Variants in AKR1C8 observed in about 807,000 individuals in gnomAD.
AKR1C8 encodes the protein aldo-keto reductase family 1 member C-like protein 1.
the AKR1C8 span, chr10:5,132,664 C>A: frequency 6.3e-7 from 1 of 1,591,090 alleles, no homozygotes; most frequent in Non-Finnish European, 8.6e-7. Context: ...CTTCAGATGG[C>A]CAGTCCAACC....
chr10:5,117,692 T>A, the AKR1C8 span, among the ~76,000 whole-genome samples: 1 of 152,102 alleles, frequency 6.6e-6, no homozygotes, highest in South Asian at 2.1e-4. Context: ...TGGTGAGGTC[T>A]TCAGGCTGCT....
At chr10:5,159,801 G>C in the AKR1C8 span, 1 of 466,554 alleles carries the variant, frequency 2.1e-6, no homozygotes, top group Non-Finnish European at 4.4e-6. Context: ...AAGACATCAA[G>C]CAGAAACTTG....
the AKR1C8 span, among the ~76,000 whole-genome samples, chr10:5,142,655 C>G: frequency 1.3e-5 from 2 of 152,180 alleles, no homozygotes; most frequent in African/African-American, 2.4e-5. Flanking sequence ...GTCACTGAAG[C>G]GGTCAGAAGA....
chr10:5,154,774 A>G, the AKR1C8 span: 1 of 152,250 alleles, frequency 6.6e-6, no homozygotes, highest in Non-Finnish European at 1.5e-5. Context: ...ACTTTCCTCT[A>G]AACTCCTCTC....
At chr10:5,181,483 A>T in the AKR1C8 span, among the ~76,000 whole-genome samples, 2 of 152,202 alleles carry the variant, frequency 1.3e-5, no homozygotes, top group Non-Finnish European at 2.9e-5. Flanking sequence ...GCTTCCCAAA[A>T]TTAAACTTGA....
the AKR1C8 span, among the ~76,000 whole-genome samples, chr10:5,133,716 G>C: frequency 6.6e-6 from 1 of 152,112 alleles, no homozygotes; most frequent in Non-Finnish European, 1.5e-5. Flanking sequence ...ATTATAGACA[G>C]CACCCTTATT....
chr10:5,154,093 T>A, the AKR1C8 span: 3 of 461,364 alleles, frequency 6.5e-6, no homozygotes, highest in Non-Finnish European at 1.4e-5. Context: ...CCTCTCTCTG[T>A]CACCTAAAAG....
the AKR1C8 span, chr10:5,122,207 C>T: frequency 3.2e-6 from 1 of 314,822 alleles, no homozygotes; most frequent in Non-Finnish European, 6.5e-6. Flanking sequence ...TTTCCCAGGA[C>T]AGCAGCTTCT....
chr10:5,146,587 C>G, the AKR1C8 span, among the ~76,000 whole-genome samples: 2 of 152,090 alleles, frequency 1.3e-5, no homozygotes, highest in African/African-American at 2.4e-5. Flanking sequence ...CATTACCATA[C>G]TCCACAATTT....
At chr10:5,173,282 T>C in the AKR1C8 span, among the ~76,000 whole-genome samples, 1 of 152,154 alleles carries the variant, frequency 6.6e-6, no homozygotes, top group African/African-American at 2.4e-5. Context: ...ACTTAAAACT[T>C]TGATCAGCAA....
chr10:5,153,459 TA>T, the AKR1C8 span, among the ~76,000 whole-genome samples: 1 of 152,150 alleles, frequency 6.6e-6, no homozygotes. Flanking sequence ...AACACATATG[TA>T]AATAAGTGAA....
At chr10:5,182,574 A>G in the AKR1C8 span, among the ~76,000 whole-genome samples, 7 of 152,288 alleles carry the variant, frequency 4.6e-5, no homozygotes, top group East Asian at 1.2e-3. Context: ...TTACTTATGG[A>G]ATAGAATTCC....
At chr10:5,182,052 GT>G in the AKR1C8 span, among the ~76,000 whole-genome samples, 1 of 151,914 alleles carries the variant, frequency 6.6e-6, no homozygotes, top group Non-Finnish European at 1.5e-5. Context: ...TCATCATTTT[GT>G]TTTTTTCAGA....
chr10:5,117,486 G>A, the AKR1C8 span, among the ~76,000 whole-genome samples: 1 of 152,164 alleles, frequency 6.6e-6, no homozygotes, highest in Non-Finnish European at 1.5e-5. Flanking sequence ...CAAATGGTAT[G>A]TCTGTGATTA....
At chr10:5,164,789 C>A in the AKR1C8 span, among the ~76,000 whole-genome samples, 1 of 152,116 alleles carries the variant, frequency 6.6e-6, no homozygotes, top group Non-Finnish European at 1.5e-5. Context: ...AATTTACTGG[C>A]CGAGGCTACA....
chr10:5,182,369 C>T, the AKR1C8 span, among the ~76,000 whole-genome samples: 1 of 152,202 alleles, frequency 6.6e-6, no homozygotes, highest in East Asian at 1.9e-4. Flanking sequence ...GAAAAACTGG[C>T]CTCATACCTT....
the AKR1C8 span, among the ~76,000 whole-genome samples, chr10:5,116,663 T>C: frequency 4.6e-5 from 7 of 152,274 alleles, 1 homozygote; most frequent in South Asian, 1.5e-3. Context: ...ACACATCTGG[T>C]CATTTCTCCT....
chr10:5,181,971 C>T, the AKR1C8 span, among the ~76,000 whole-genome samples: 1 of 151,936 alleles, frequency 6.6e-6, no homozygotes, highest in African/African-American at 2.4e-5. Context: ...TCAAACAGAA[C>T]AAGAGTTAAC....
chr10:5,148,422 G>T, the AKR1C8 span, among the ~76,000 whole-genome samples: 1 of 152,240 alleles, frequency 6.6e-6, no homozygotes, highest in South Asian at 2.1e-4. Flanking sequence ...GTTTTGGCAA[G>T]GTTGAGGACA....
Sources: allele counts gnomAD v4.1 joint callset (sites outside exome capture counted in the v4.1 genomes callset), GRCh38; gene constraint gnomAD v4.1.1; transcripts MANE v1.5; gene names NCBI Gene and HGNC (gene_info 2026-07-23, HGNC 2026-07-21).